USP24: variants seen among roughly 807,000 people sequenced by gnomAD.
The protein encoded by USP24 is ubiquitin carboxyl-terminal hydrolase 24.
In USP24, 97 loss-of-function variants were observed where a neutral mutation model predicts 361.6. That is an observed-to-expected ratio of 0.27 (90% CI 0.23 to 0.32). The LOEUF (loss-of-function observed/expected upper bound fraction) is 0.32. Among genes scored for constraint, USP24 ranks in the 10% least tolerant of loss-of-function variants. The pLI, the probability that USP24 is intolerant of heterozygous loss-of-function variation, is 1.00. For synonymous variants in USP24, 1,098 were observed against 1,124.6 expected (o/e 0.98, Z 0.47); for missense variants, 2,353 against 3,165.6 (o/e 0.74, Z 6.16).
intron 38 of USP24, 44 bp from the exon 39 acceptor site, chr1:55,110,290 G>A: frequency 6.9e-7 from 1 of 1,444,694 alleles, no homozygotes; most frequent in Admixed American, 2.8e-5. Context: ...AGGCTGATTT[G>A]AAAATAAAAA....
intron 13 of USP24, 77 bp downstream of exon 13, chr1:55,154,594 G>A: frequency 6.9e-7 from 1 of 1,454,166 alleles, no homozygotes; most frequent in East Asian, 2.3e-5. Context: ...AACTGGTGGG[G>A]AGGAGGGGTA....
intron 21 of USP24, among the ~76,000 whole-genome samples, 164 bp from the exon 22 acceptor site, chr1:55,143,283 G>A (rs1012619736): frequency 6.6e-6 from 1 of 152,186 alleles, no homozygotes; most frequent in Non-Finnish European, 1.5e-5. Context: ...TACTGATATG[G>A]AACTTTAAAA....
intron 56 of USP24, among the ~76,000 whole-genome samples, 161 bp from the exon 57 acceptor site, chr1:55,084,049 A>C (rs1645202887): frequency 1.3e-5 from 2 of 152,212 alleles, no homozygotes; most frequent in Non-Finnish European, 2.9e-5. Context: ...CAAAAACAGA[A>C]TTATCCATTT....
At chr1:55,138,780 A>AT (rs1250589356) in intron 25 of USP24, 62 bp from the exon 26 acceptor site, 14 of 1,333,014 alleles carry the variant, frequency 1.1e-5, no homozygotes, top group Middle Eastern at 1.8e-4. Context: ...TCAAAAATAC[A>AT]TATCTATGTA....
intron 41 of USP24, 59 bp downstream of exon 41, chr1:55,106,087 G>T: frequency 1.5e-6 from 2 of 1,310,738 alleles, no homozygotes; most frequent in Non-Finnish European, 2.2e-6. Context: ...AATCTTTTGG[G>T]ACTGAAGTTT....
At chr1:55,097,760 C>T in intron 47 of USP24, 43 bp from the exon 48 acceptor site, 2 of 1,517,288 alleles carry the variant, frequency 1.3e-6, no homozygotes, top group South Asian at 2.6e-5. Flanking sequence ...TGAATGATCT[C>T]CATGGAGAAA....
In USP24 at chr1:55,163,502, C is replaced by A. The variant is rs143803568; in HGVS notation, c.928-1238G>T. Among the ~76,000 whole-genome samples the A allele has an allele frequency of 3.0e-3, 461 of 151,960 alleles. 5 individuals are homozygous for A. Among genetic ancestry groups the A allele is most frequent in the African/African-American group, 0.01 (423 of 41,512 alleles). ...ATACAAATAACCAATAATCATATGACAAAATGCTCAAGTTCACAAGAAATC... is the reference window on the plus strand; with the variant it reads ...ATACAAATAACCAATAATCATATGAAAAAATGCTCAAGTTCACAAGAAATC... On this transcript the variant is annotated intron_variant, in intron 7 of 67. Coordinates refer to ENST00000294383, the MANE Select transcript of USP24 (RefSeq NM_015306.3).
At chr1:55,142,599 A>G in intron 23 of USP24, 143 bp downstream of exon 23, 1 of 622,946 alleles carries the variant, frequency 1.6e-6, no homozygotes, top group Non-Finnish European at 2.7e-6. Flanking sequence ...TCTGTTCCCT[A>G]TGCCACAATA....
intron 64 of USP24, 46 bp downstream of exon 64, chr1:55,073,782 G>T: frequency 2.0e-6 from 3 of 1,511,130 alleles, no homozygotes; most frequent in East Asian, 2.5e-5. Flanking sequence ...TATGTGACTT[G>T]TAATTAAAAC....
intron 60 of USP24, among the ~76,000 whole-genome samples, chr1:55,078,946 CAAAA>C (rs112282583): frequency 1.5e-5 from 1 of 68,958 alleles, no homozygotes; most frequent in Admixed American, 1.7e-4. Context: ...AAATATTAAG[CAAAA>C]AAAAAAAAAA....
chr1:55,107,853 A>AAAAC (rs1007764662), intron 39 of USP24, among the ~76,000 whole-genome samples: 18 of 141,932 alleles, frequency 1.3e-4, no homozygotes, highest in East Asian at 2.0e-4. Flanking sequence ...AAAAAAAAAA[A>AAAAC]AAAAAAAAAA....
At chr1:55,163,581 C>T (rs1253482566) in intron 7 of USP24, among the ~76,000 whole-genome samples, 1 of 151,866 alleles carries the variant, frequency 6.6e-6, no homozygotes, top group Non-Finnish European at 1.5e-5. Flanking sequence ...CATACTGGAA[C>T]ATTAAAGATT....
intron 1 of USP24, among the ~76,000 whole-genome samples, chr1:55,206,674 G>A (rs199932472): frequency 2.1e-5 from 2 of 94,574 alleles, no homozygotes; most frequent in Non-Finnish European, 4.5e-5. Flanking sequence ...AAAAAAAAAA[G>A]GGTCGGGGGG....
chr1:55,128,426 CTCCTTCATCCTTT>C (rs1646497856), intron 32 of USP24, among the ~76,000 whole-genome samples: 1 of 152,130 alleles, frequency 6.6e-6, no homozygotes, highest in Non-Finnish European at 1.5e-5. Flanking sequence ...ACATGTTTCT[CTCCTTCATCCTTT>C]GCTTGAACAC....
At chr1:55,138,009 G>A (rs1047734925) in intron 26 of USP24, 105 bp from the exon 27 acceptor site, 3 of 1,101,198 alleles carry the variant, frequency 2.7e-6, no homozygotes, top group African/African-American at 3.2e-5. Context: ...CTAGAAGCTG[G>A]GAACACAGCA....
intron 10 of USP24, 129 bp downstream of exon 10, chr1:55,158,748 AT>A: frequency 1.2e-6 from 1 of 843,046 alleles, no homozygotes; most frequent in Non-Finnish European, 1.6e-6. Flanking sequence ...TTTATACACA[AT>A]CATTCTCTTT....
chr1:55,081,252 T>C (rs926959659), intron 59 of USP24, 70 bp downstream of exon 59: 5 of 1,432,068 alleles, frequency 3.5e-6, no homozygotes, highest in African/African-American at 1.4e-5. Flanking sequence ...ATTCATTTAC[T>C]TGCTAATATA....
At chr1:55,112,069 G>T (rs1171746177) in intron 38 of USP24, among the ~76,000 whole-genome samples, 1 of 151,852 alleles carries the variant, frequency 6.6e-6, no homozygotes, top group African/African-American at 2.4e-5. Context: ...ATGGATCAAA[G>T]AAACCAGAGG....
intron 16 of USP24, among the ~76,000 whole-genome samples, chr1:55,150,959 C>T: frequency 6.6e-6 from 1 of 152,132 alleles, no homozygotes; most frequent in East Asian, 1.9e-4. Context: ...GTTGGTTTAG[C>T]CTGCAAACCT....
Sources: allele counts gnomAD v4.1 joint callset (sites outside exome capture counted in the v4.1 genomes callset), GRCh38; gene constraint gnomAD v4.1.1; transcripts MANE v1.5; gene names NCBI Gene and HGNC (gene_info 2026-07-23, HGNC 2026-07-21).